Variants in RPS3A observed in about 807,000 individuals in gnomAD.
RPS3A encodes the protein ribosomal protein S3A.
RPS3A carries 1 observed loss-of-function variant against 26.4 expected under a neutral mutation model. The ratio of observed to expected loss-of-function variants is 0.04; its 90% CI spans 0.01 to 0.18. RPS3A has a LOEUF of 0.18. Among genes scored for constraint, RPS3A ranks in the 10% least tolerant of loss-of-function variants. RPS3A has a pLI of 1.00. For missense variants in RPS3A, 139 were observed against 326.8 expected (o/e 0.43, Z 4.43); for synonymous variants, 97 against 106.1 (o/e 0.91, Z 0.53).
chr4:151,100,024 A>C (rs1189791490), intron 1 of RPS3A: 15 of 608,158 alleles, frequency 2.5e-5, no homozygotes, highest in South Asian at 2.3e-4. Context: ...TGGCACTGCG[A>C]CAGCAGGAGT....
rs376810860 is a variant in RPS3A, at chr4:151,099,643, G to A, written c.-10G>A. 2.5e-6 allele frequency: 4 copies of A among 1,613,644 alleles called. No homozygotes were observed. Among genetic ancestry groups the A allele is most frequent in the Non-Finnish European group, 3.4e-6 (4 of 1,179,900 alleles). On this transcript the variant is annotated 5_prime_UTR_variant, in exon 1 of 6. Transcript: ENST00000274065. ...CCCACTTCCGCCCTTTTGGCTCTCTGACCAGCACCATGGCGGTTGGCAAGA... is the reference window on the plus strand; with the variant it reads ...CCCACTTCCGCCCTTTTGGCTCTCTAACCAGCACCATGGCGGTTGGCAAGA...
chr4:151,099,754 C>T (rs776101278), intron 1 of RPS3A, 40 bp downstream of exon 1: 1 of 1,583,982 alleles, frequency 6.3e-7, no homozygotes. Context: ...TTTTGGGGGT[C>T]TGCTGGAATC....
In RPS3A at chr4:151,100,462, T is replaced by C. The variant is rs747002972; in HGVS notation, c.63-23T>C. 2.4e-6 allele frequency: 3 copies of C among 1,270,426 alleles called. No homozygotes were observed. In the East Asian group the frequency reaches 6.9e-5, roughly 29 times the overall value. The allele number at this position is 1,270,426 out of a possible 1,614,324, so 78.7% of individuals were successfully genotyped here. A position where few individuals can be genotyped will look rare whatever the true frequency, so the allele number is the denominator to read the frequency against. On this transcript the variant is annotated intron_variant, in intron 1 of 5. Coordinates refer to ENST00000274065, the MANE Select transcript of RPS3A (RefSeq NM_001006.5). ...AGTAAGAATTGATCTGCAATGGAAC[T>C]TAAGCATCTTCTTAAAATCCAGGGT... is the stretch of plus-strand genomic sequence containing the variant.
chr4:151,104,359 T>TG, intron 5 of RPS3A, 73 bp downstream of exon 5: 10 of 1,534,780 alleles, frequency 6.5e-6, no homozygotes, highest in Admixed American at 2.3e-5. Context: ...TGTGGGGCCA[T>TG]ATCATGGCCT....
chr4:151,099,895 G>A (rs956603873), intron 1 of RPS3A, 181 bp downstream of exon 1: 7 of 717,314 alleles, frequency 9.8e-6, no homozygotes, highest in Non-Finnish European at 1.7e-5. Flanking sequence ...CAGGTCGGCT[G>A]CCTTTCCCAG....
At chr4:151,103,618 T>A (rs1747227196) in intron 4 of RPS3A, 1 of 1,059,498 alleles carries the variant, frequency 9.4e-7, no homozygotes, top group South Asian at 2.7e-5. Flanking sequence ...ATACACTGAA[T>A]AAGTTGAGTG....
intron 4 of RPS3A, chr4:151,103,638 G>A: frequency 9.3e-7 from 1 of 1,073,632 alleles, no homozygotes; most frequent in Non-Finnish European, 1.1e-6. Context: ...GGGGTGGGAT[G>A]TGCCTGGAGT....
intron 2 of RPS3A, 23 bp downstream of exon 2, chr4:151,100,611 G>A: frequency 7.2e-7 from 1 of 1,389,528 alleles, no homozygotes; most frequent in Non-Finnish European, 1.0e-6. Flanking sequence ...TTCTTGGTTT[G>A]TATTTTCCTT....
At chr4:151,104,042 A>G in intron 4 of RPS3A, 135 bp from the exon 5 acceptor site, 1 of 1,488,692 alleles carries the variant, frequency 6.7e-7, no homozygotes, top group East Asian at 2.4e-5. Context: ...TTATCTTAAC[A>G]GGAGGATTTA....
intron 5 of RPS3A, 31 bp from the exon 6 acceptor site, chr4:151,104,441 T>TTTTTTTTTTG: frequency 8.9e-7 from 1 of 1,121,038 alleles, no homozygotes; most frequent in Admixed American, 4.2e-5. Flanking sequence ...GTTTTTTGGT[T>TTTTTTTTTTG]TTTTTTTTTT....
Position 151,100,541 on chromosome 4 carries a change from A to G in RPS3A, c.119A>G (p.Asn40Ser), listed in dbSNP as rs756177696. The G allele has an allele frequency of 1.7e-5, 27 of 1,607,728 alleles. No homozygotes were observed. The highest frequency in any genetic ancestry group is 2.2e-5 in the South Asian group (2 of 90,964). Residue 40 changes from asparagine to serine, a missense_variant, in exon 2 of 6, where the codon AAT (asparagine) becomes AGT (serine). Transcript: ENST00000274065. ...GATGTGAAAGCACCTGCTATGTTCA[A>G]TATAAGAAATATTGGAAAGACGCTC... ...WYDVKAPAMF[N>S]IRNIGKTLVT...
At chr4:151,101,461 G>C (rs1282879952) in intron 3 of RPS3A, among the ~76,000 whole-genome samples, 2 of 152,088 alleles carry the variant, frequency 1.3e-5, no homozygotes, top group African/African-American at 4.8e-5. Flanking sequence ...CAGGTGGGCG[G>C]TTTTGCCTGT....
chr4:151,101,271 G>C (rs1747103426), intron 3 of RPS3A, 109 bp downstream of exon 3: 1 of 610,512 alleles, frequency 1.6e-6, no homozygotes, highest in African/African-American at 1.9e-5. Flanking sequence ...ATTGAGACCA[G>C]TGAAATGTCC....
At chr4:151,100,032 A>G in intron 1 of RPS3A, 1 of 595,960 alleles carries the variant, frequency 1.7e-6, no homozygotes, top group Non-Finnish European at 3.1e-6. Context: ...CGACAGCAGG[A>G]GTTGAGGAAA....
Position 151,102,937 on chromosome 4 carries a change from G to A in RPS3A, c.421G>A (p.Gly141Ser), listed in dbSNP as rs746164921. The stretch of plus-strand genomic sequence containing the variant: ...TTACTTGCTTCGTCTGTTCTGTGTT[G>A]GTTTTACTAAAAAACGCAACAATCA... Reference protein sequence around the residue: ...DGYLLRLFCVGFTKKRNNQIR... With the variant: ...DGYLLRLFCVSFTKKRNNQIR... The change falls in exon 4 of 6, where the codon GGT (glycine) becomes AGT (serine). Residue 141 changes from glycine to serine, a missense_variant. Gly to Ser is a moderately conservative substitution (Grantham distance 56, BLOSUM62 0). This residue lies in a region of RPS3A where 96 missense variants were observed against 209.8 expected (regional missense o/e 0.46). Transcript: ENST00000274065. 12 of 1,611,472 alleles carry A rather than the reference G, an allele frequency of 7.4e-6. No individual in the cohort carries two copies. In the South Asian group the frequency reaches 1.3e-4, roughly 18 times the overall value.
chr4:151,102,841 G>A, intron 3 of RPS3A, 30 bp from the exon 4 acceptor site: 1 of 1,598,944 alleles, frequency 6.3e-7, no homozygotes, highest in South Asian at 1.1e-5. Flanking sequence ...CGTAAAACCT[G>A]TTAAATCTGA....
At position 151,104,439 on chromosome 4, in the gene RPS3A, G is replaced by GTTTTTTTTTT. The variant is rs386401872; in HGVS notation, c.674-19_674-10dup. Reference sequence around the variant, plus strand: ...TTCAAGATATACTAACAGTTTTTTGGTTTTTTTTTTTTTTTTTTTTTTTGC... The same window carrying GTTTTTTTTTT: ...TTCAAGATATACTAACAGTTTTTTGGTTTTTTTTTTTTTTTTTTTTTTTTTTTTTTTTTGC... On this transcript the variant is annotated intron_variant, in intron 5 of 5. Coordinates refer to ENST00000274065, the MANE Select transcript of RPS3A (RefSeq NM_001006.5). 1.1e-3 allele frequency: 765 copies of GTTTTTTTTTT among 711,378 alleles called. 29 individuals carry two copies. The highest frequency in any genetic ancestry group is 2.8e-3 in the South Asian group (122 of 42,978). The allele number at this position is 711,378 out of a possible 1,614,324, so 44.1% of individuals were successfully genotyped here.
intron 4 of RPS3A, 166 bp downstream of exon 4, chr4:151,103,245 G>A: frequency 1.6e-6 from 2 of 1,256,444 alleles, no homozygotes; most frequent in Non-Finnish European, 1.1e-6. Context: ...CAGTAAATAT[G>A]ATTATTATTA....
intron 4 of RPS3A, 130 bp downstream of exon 4, chr4:151,103,209 CTT>C (rs1447566581): frequency 5.8e-5 from 82 of 1,410,896 alleles, no homozygotes; most frequent in Middle Eastern, 4.0e-4. Context: ...AGCTATATCT[CTT>C]TAAGTGAAAG....
Sources: gnomAD v4.1 joint callset for allele counts (sites outside exome capture counted in the v4.1 genomes callset) on GRCh38, gnomAD v4.1.1 for gene constraint, gnomAD v4.1.1 regional missense constraint, MANE v1.5 for transcripts, NCBI Gene and HGNC (gene_info 2026-07-23, HGNC 2026-07-21) for gene names.